The following TENM2 variants were observed in gnomAD, a reference collection of about 807,000 sequenced individuals.
TENM2 encodes the protein teneurin-2.
Under a neutral mutation model 245.2 loss-of-function variants are expected in TENM2, and 52 were observed. The observed-to-expected ratio is 0.21, with a 90% CI of 0.17 to 0.27. The LOEUF (loss-of-function observed/expected upper bound fraction) is 0.27. Ranked by LOEUF, TENM2 falls within the 10% of genes least tolerant of loss-of-function variation. The pLI is 1.00. For missense variants in TENM2, 3,046 were observed against 3,666.8 expected (o/e 0.83, Z 4.37); for synonymous variants, 1,363 against 1,438.9 (o/e 0.95, Z 1.19).
intron 2 of TENM2, among the ~76,000 whole-genome samples, chr5:167,525,300 G>C (rs1220129154): frequency 2.0e-5 from 3 of 152,152 alleles, no homozygotes; most frequent in Non-Finnish European, 4.4e-5. Context: ...GTATTTTAAT[G>C]TTAAGAAATA....
intron 2 of TENM2, among the ~76,000 whole-genome samples, chr5:167,460,943 T>C (rs188762241): frequency 6.6e-5 from 10 of 152,276 alleles, no homozygotes; most frequent in Non-Finnish European, 1.3e-4. Context: ...AGAAATGAAA[T>C]TGTAAACTCC....
the TENM2 span, among the ~76,000 whole-genome samples, chr5:167,049,166 A>C: frequency 6.6e-6 from 1 of 152,230 alleles, no homozygotes; most frequent in African/African-American, 2.4e-5. Context: ...ATAGTAATTT[A>C]TTTGTAGAGT....
chr5:167,509,415 G>A (rs984518175), intron 2 of TENM2, among the ~76,000 whole-genome samples: 1 of 152,128 alleles, frequency 6.6e-6, no homozygotes, highest in South Asian at 2.1e-4. Flanking sequence ...CAAAGTTATT[G>A]GATTAACTTG....
In TENM2 at chr5:167,671,512, G is replaced by C. The variant is rs547322599; in HGVS notation, c.503-204474G>C. On this transcript the variant is annotated intron_variant, in intron 2 of 28. Transcript: ENST00000518659. ...AGCTTGAGTAAGGCCCAAGCTGGTAGATATTTTTAGTTTCCCAAGTGATTT... is the reference window on the plus strand; with the variant it reads ...AGCTTGAGTAAGGCCCAAGCTGGTACATATTTTTAGTTTCCCAAGTGATTT... Among the ~76,000 whole-genome samples, 15 of 152,158 alleles carry C rather than the reference G, an allele frequency of 9.9e-5. 1 individual carries two copies. The highest frequency in any genetic ancestry group is 3.4e-3 in the Middle Eastern group (1 of 294).
chr5:167,894,988 A>AGGAAGGAAGGAG lies in TENM2; in HGVS notation c.712+18796_712+18797insAGGAAGGAGGGA, dbSNP rs1277156205. On this transcript the variant is annotated intron_variant, in intron 3 of 28. Transcript: ENST00000518659. ...AAGGAAGGAAGGAAGGAAGGAAGGA[A>AGGAAGGAAGGAG]GGAGGGAAGGAAGGAAGGAAGGGAG... 1.3e-3 allele frequency among the ~76,000 whole-genome samples: 143 copies of AGGAAGGAAGGAG among 106,410 alleles called. 1 individual carries two copies. Among genetic ancestry groups the AGGAAGGAAGGAG allele is most frequent in the Non-Finnish European group, 1.5e-3 (83 of 55,126 alleles). 69.8% of individuals were successfully genotyped at this position (106,410 alleles called of 152,430 possible).
chr5:167,739,443 C>T (rs1359973414), intron 2 of TENM2, among the ~76,000 whole-genome samples: 1 of 152,120 alleles, frequency 6.6e-6, no homozygotes, highest in Non-Finnish European at 1.5e-5. Context: ...TTGTCTTTTC[C>T]TTAGTGGGAT....
At chr5:168,262,250 G>T (rs79566207) in exon 29 of TENM2, 33 of 1,605,868 alleles carry the variant, frequency 2.1e-5, no homozygotes, top group Non-Finnish European at 2.6e-5. Context: ...GTCCAGCATC[G>T]CCAGCGAAGA....
intron 2 of TENM2, among the ~76,000 whole-genome samples, chr5:167,431,972 T>TATATACACACATATATATAC (rs1764280940): frequency 1.2e-4 from 18 of 144,438 alleles, no homozygotes; most frequent in Non-Finnish European, 1.8e-4. Flanking sequence ...TATATATATA[T>TATATACACACATATATATAC]ATATATGGAA....
chr5:167,174,725 T>C, the TENM2 span, among the ~76,000 whole-genome samples: 1 of 152,116 alleles, frequency 6.6e-6, no homozygotes, highest in Non-Finnish European at 1.5e-5. Flanking sequence ...TACGATATTA[T>C]CAATAATAGT....
chr5:168,005,505 C>A (rs1784758025), intron 5 of TENM2, among the ~76,000 whole-genome samples: 1 of 152,198 alleles, frequency 6.6e-6, no homozygotes, highest in African/African-American at 2.4e-5. Context: ...CCTGTGTCTC[C>A]CACAATTCCA....
chr5:168,014,627 C>T (rs1014856836), intron 5 of TENM2, among the ~76,000 whole-genome samples: 3 of 152,202 alleles, frequency 2.0e-5, no homozygotes, highest in African/African-American at 7.2e-5. Flanking sequence ...GTAATGGTTT[C>T]CTCTTATTCA....
At chr5:167,977,096 A>G (rs553925144) in intron 4 of TENM2, among the ~76,000 whole-genome samples, 2 of 152,302 alleles carry the variant, frequency 1.3e-5, no homozygotes, top group East Asian at 1.9e-4. Flanking sequence ...GTTTTTAATT[A>G]TAAGTGGGAG....
the TENM2 span, among the ~76,000 whole-genome samples, chr5:166,984,874 T>A: frequency 6.6e-6 from 1 of 152,154 alleles, no homozygotes; most frequent in Non-Finnish European, 1.5e-5. Flanking sequence ...TAGAAATCAC[T>A]TAGAAGAAAC....
chr5:167,350,929 G>GAT lies in TENM2; in HGVS notation c.227-24260_227-24259dup, dbSNP rs1172826822. On this transcript the variant is annotated intron_variant, in intron 1 of 28. Coordinates refer to ENST00000518659, the Ensembl canonical transcript of TENM2. ...TATATATATGGGATATATACATATG[G>GAT]ATATATATATGGGATATATACATAT... 6.9e-5 allele frequency among the ~76,000 whole-genome samples: 5 copies of GAT among 72,746 alleles called. 1 individual carries two copies. The Admixed American group carries it at 7.1e-4, about 10-fold the overall frequency. The allele number at this position is 72,746 out of a possible 152,430, so 47.7% of individuals were successfully genotyped here.
the TENM2 span, among the ~76,000 whole-genome samples, chr5:166,979,238 C>CAGCAGCAGCA: frequency 1.9e-5 from 2 of 103,106 alleles, no homozygotes; most frequent in Non-Finnish European, 3.9e-5. Context: ...CAGCAGCAGC[C>CAGCAGCAGCA]GCCGCGGCAA....
chr5:167,170,983 T>C, the TENM2 span, among the ~76,000 whole-genome samples: 5 of 152,334 alleles, frequency 3.3e-5, no homozygotes, highest in African/African-American at 1.2e-4. Flanking sequence ...TCAGTATCCT[T>C]TGCTGGGGGC....
intron 3 of TENM2, among the ~76,000 whole-genome samples, chr5:167,951,837 C>A (rs376371609): frequency 6.6e-6 from 1 of 151,074 alleles, no homozygotes; most frequent in South Asian, 2.1e-4. Context: ...CACATACATA[C>A]GCAAATATGT....
At chr5:167,722,079 T>C (rs1004188598) in intron 2 of TENM2, among the ~76,000 whole-genome samples, 5 of 152,008 alleles carry the variant, frequency 3.3e-5, no homozygotes, top group African/African-American at 1.2e-4. Context: ...TGGTGGGACA[T>C]CTCCCCTCTC....
At position 167,541,792 on chromosome 5, in the gene TENM2, T is replaced by G. The variant is rs149913367; in HGVS notation, c.502+166319T>G. Among the ~76,000 whole-genome samples the G allele has an allele frequency of 1.5e-3, 223 of 152,326 alleles. 2 individuals are homozygous for G. Among genetic ancestry groups the G allele is most frequent in the African/African-American group, 5.0e-3 (209 of 41,572 alleles). The stretch of plus-strand genomic sequence containing the variant: ...AACAATGTGCATTAGGAAAATATTT[T>G]GAAATTATACTGATTTTACATGACA... On this transcript the variant is annotated intron_variant, in intron 2 of 28. Transcript: ENST00000518659.
Sources: allele counts gnomAD v4.1 joint callset (sites outside exome capture counted in the v4.1 genomes callset), GRCh38; gene constraint gnomAD v4.1.1; transcripts MANE v1.5; gene names NCBI Gene and HGNC (gene_info 2026-07-23, HGNC 2026-07-21).